Variants in CENPE observed in about 807,000 individuals in gnomAD.
CENPE encodes centromere-associated protein E.
In CENPE, 145 loss-of-function variants were observed where a neutral mutation model predicts 336.1. That is an observed-to-expected ratio of 0.43 (90% confidence interval 0.38 to 0.50). The LOEUF (loss-of-function observed/expected upper bound fraction) is 0.50. Among genes scored for constraint, CENPE ranks in the 20% least tolerant of loss-of-function variants. CENPE has a pLI of 0.00. For synonymous variants in CENPE, 1,013 were observed against 984.8 expected (o/e 1.03, Z -0.54); for missense variants, 2,719 against 3,023.3 (o/e 0.90, Z 2.36).
At position 103,163,012 on chromosome 4, in the gene CENPE, G is replaced by A. The variant is rs1754584299; in HGVS notation, c.1842+125C>T. On this transcript the variant is annotated intron_variant, in intron 18 of 48. Coordinates refer to ENST00000265148, the MANE Select transcript of CENPE (RefSeq NM_001813.3). ...TCATAGGGTTATTGACAGATTTAATGAAATATATATAAATTTATTACAACA... is the reference window on the plus strand; with the variant it reads ...TCATAGGGTTATTGACAGATTTAATAAAATATATATAAATTTATTACAACA... 7 of 674,812 alleles carry A rather than the reference G, an allele frequency of 1.0e-5. No homozygotes were observed. The South Asian group carries it at 2.3e-4, about 22-fold the overall frequency. 41.8% of individuals were successfully genotyped at this position (674,812 alleles called of 1,614,324 possible).
intron 42 of CENPE, among the ~76,000 whole-genome samples, chr4:103,129,874 C>T (rs916919774): frequency 2.6e-5 from 4 of 152,142 alleles, no homozygotes; most frequent in Non-Finnish European, 4.4e-5. Flanking sequence ...GCTGGTTTAA[C>T]ATTCAAAAAT....
chr4:103,147,414 T>C lies in CENPE; in HGVS notation c.4076A>G (p.Glu1359Gly). Residue 1359 changes from glutamate to glycine, a missense_variant, in exon 29 of 49, where the codon GAA becomes GGA. By Grantham distance (98) the Glu-to-Gly change is moderately conservative (BLOSUM62 -2). Coordinates refer to ENST00000265148, the MANE Select transcript of CENPE (RefSeq NM_001813.3). Reference sequence around the variant, plus strand: ...CTGGTCATGTTTAACTTCAAGGGCTTCTTTTATCGTTTTAAGGTTGTCTCT... The same window carrying C: ...CTGGTCATGTTTAACTTCAAGGGCTCCTTTTATCGTTTTAAGGTTGTCTCT... ...KERDNLKTIK[E>G]ALEVKHDQLK... 6.2e-7 allele frequency: 1 copy of C among 1,613,192 alleles called. No individual in the cohort carries two copies. Among genetic ancestry groups the C allele is most frequent in the Non-Finnish European group, 8.5e-7 (1 of 1,179,900 alleles).
At chr4:103,170,113 T>A (rs572546147) in intron 16 of CENPE, among the ~76,000 whole-genome samples, 34 of 152,070 alleles carry the variant, frequency 2.2e-4, no homozygotes, top group Non-Finnish European at 2.8e-4. Flanking sequence ...GAGGGGAACA[T>A]CACACACTGG....
In CENPE at chr4:103,132,638, G is replaced by C. The variant is rs1185703516; in HGVS notation, c.6924+55C>G. Reference sequence around the variant, plus strand: ...AAGTTGCCCTTTTAAGAATGAGGTAGGACAATTAAAGCAAACAGCAACAAA... The same window carrying C: ...AAGTTGCCCTTTTAAGAATGAGGTACGACAATTAAAGCAAACAGCAACAAA... On this transcript the variant is annotated intron_variant, in intron 42 of 48. Coordinates refer to ENST00000265148, the MANE Select transcript of CENPE (RefSeq NM_001813.3). The C allele has an allele frequency of 2.0e-5, 17 of 848,996 alleles. No individual in the cohort carries two copies. In the East Asian group the frequency reaches 4.6e-4, roughly 23 times the overall value. 52.6% of individuals were successfully genotyped at this position (848,996 alleles called of 1,614,324 possible). A position where few individuals can be genotyped will look rare whatever the true frequency, so the allele number is the denominator to read the frequency against.
At chr4:103,194,771 C>T in intron 5 of CENPE, 87 bp from the exon 6 acceptor site, 1 of 984,678 alleles carries the variant, frequency 1.0e-6, no homozygotes, top group Non-Finnish European at 1.5e-6. Context: ...TTATAGAATT[C>T]ATTTGTGAAA....
In CENPE at chr4:103,116,553, CATTAA is replaced by C; in HGVS notation, c.7442+19_7442+23del. ...AAGAAAATTTAAGCTATTAAAATCA[CATTAA>C]ATTAAGACAAATACGTACTCCTTTT... On this transcript the variant is annotated intron_variant, in intron 45 of 48. Transcript: ENST00000265148. The C allele has an allele frequency of 8.5e-7, 1 of 1,180,834 alleles. No homozygotes were observed. The highest frequency in any genetic ancestry group is 1.2e-6 in the Non-Finnish European group (1 of 822,574). The allele number at this position is 1,180,834 out of a possible 1,614,324, so 73.1% of individuals were successfully genotyped here.
chr4:103,193,000 A>G (rs1757483717), intron 8 of CENPE, among the ~76,000 whole-genome samples: 1 of 151,904 alleles, frequency 6.6e-6, no homozygotes, highest in Admixed American at 6.6e-5. Flanking sequence ...GAGAAACTGG[A>G]TATTATCATC....
At chr4:103,129,761 A>G (rs1393627259) in intron 42 of CENPE, among the ~76,000 whole-genome samples, 3 of 152,050 alleles carry the variant, frequency 2.0e-5, no homozygotes, top group Non-Finnish European at 2.9e-5. Flanking sequence ...ACAAAGATGT[A>G]AAAAAAGATG....
chr4:103,131,993 T>C (rs892084036), intron 42 of CENPE, among the ~76,000 whole-genome samples: 16 of 152,148 alleles, frequency 1.1e-4, no homozygotes, highest in African/African-American at 2.9e-4. Context: ...TATGGCAGGA[T>C]AGTAAAATTA....
intron 37 of CENPE, 69 bp downstream of exon 37, chr4:103,140,181 GTATCTA>G (rs1432495646): frequency 2.0e-6 from 3 of 1,467,972 alleles, no homozygotes; most frequent in African/African-American, 2.8e-5. Context: ...CTACATATCT[GTATCTA>G]TATCTTTTTA....
At chr4:103,146,141 C>A in intron 29 of CENPE, 34 bp from the exon 30 acceptor site, 1 of 1,579,730 alleles carries the variant, frequency 6.3e-7, no homozygotes, top group South Asian at 1.2e-5. Flanking sequence ...CAGTTGATAT[C>A]CAGAGATATT....
intron 29 of CENPE, among the ~76,000 whole-genome samples, chr4:103,146,633 G>T (rs927897056): frequency 6.6e-6 from 1 of 151,986 alleles, no homozygotes; most frequent in Non-Finnish European, 1.5e-5. Context: ...GAAGAAGAAT[G>T]AATTGAAATA....
chr4:103,176,095 A>G (rs1755834472), intron 14 of CENPE, 47 bp from the exon 15 acceptor site: 1 of 1,153,392 alleles, frequency 8.7e-7, no homozygotes, highest in Admixed American at 2.4e-5. Context: ...TGTTTACCAA[A>G]TTTCCTAAGT....
At chr4:103,116,402 C>T in intron 45 of CENPE, 175 bp downstream of exon 45, 2 of 396,638 alleles carry the variant, frequency 5.0e-6, no homozygotes, top group Non-Finnish European at 9.1e-6. Context: ...AAAAACTTTG[C>T]ATATGTAATG....
chr4:103,197,073 C>T (rs565536974), intron 1 of CENPE, among the ~76,000 whole-genome samples: 1 of 152,212 alleles, frequency 6.6e-6, no homozygotes, highest in African/African-American at 2.4e-5. Context: ...ACCCTCTCCC[C>T]CAGTACTGGT....
intron 42 of CENPE, among the ~76,000 whole-genome samples, chr4:103,128,020 C>T (rs193254874): frequency 6.6e-6 from 1 of 152,004 alleles, no homozygotes; most frequent in Admixed American, 6.6e-5. Flanking sequence ...TGTATGTTGT[C>T]TACAAGAAAC....
At chr4:103,172,774 A>G (rs747843709) in intron 16 of CENPE, among the ~76,000 whole-genome samples, 52 of 152,004 alleles carry the variant, frequency 3.4e-4, no homozygotes, top group Admixed American at 9.8e-4. Flanking sequence ...CATAAAAAAA[A>G]GTAGTATCTC....
At position 103,158,467 on chromosome 4, in the gene CENPE, G is replaced by C. The variant is rs772347636; in HGVS notation, c.2875-9C>G. The C allele has an allele frequency of 2.6e-6, 4 of 1,531,428 alleles. No individual in the cohort carries two copies. The highest frequency in any genetic ancestry group is 3.5e-6 in the Non-Finnish European group (4 of 1,141,586). 94.9% of individuals were successfully genotyped at this position (1,531,428 alleles called of 1,614,324 possible). On this transcript the variant is annotated splice_polypyrimidine_tract_variant and intron_variant, in intron 23 of 48. Transcript: ENST00000265148. ...TCTTGAGTATCTATATTCTTTGTTA[G>C]AAAAATATAAAAACAATTTCCATTA...
At position 103,132,786 on chromosome 4, in the gene CENPE, A is replaced by T. The variant is rs749308886; in HGVS notation, c.6831T>A (p.Asn2277Lys). Residue 2277 changes from asparagine to lysine, a missense_variant, in exon 42 of 49, where the codon AAT becomes AAA. Coordinates refer to ENST00000265148, the MANE Select transcript of CENPE (RefSeq NM_001813.3). ...TAAGCTTTTCTATATCAAAACGAGT[A>T]TTTAACCACTCTTCCAAAAACTGTG... The part of the protein sequence containing the change: ...EMTQFLEEWL[N>K]TRFDIEKLKN... The T allele has an allele frequency of 1.3e-6, 2 of 1,578,782 alleles. No individual in the cohort carries two copies. Among genetic ancestry groups the T allele is most frequent in the Non-Finnish European group, 1.7e-6 (2 of 1,153,662 alleles).
Sources: gnomAD v4.1 joint callset for allele counts (sites outside exome capture counted in the v4.1 genomes callset) on GRCh38, gnomAD v4.1.1 for gene constraint, MANE v1.5 for transcripts, NCBI Gene and HGNC (gene_info 2026-07-23, HGNC 2026-07-21) for gene names.